The following DCTN4 variants were observed in gnomAD, a reference collection of about 807,000 sequenced individuals.
The protein encoded by DCTN4 is dynactin subunit 4.
Under a neutral mutation model 62.7 loss-of-function variants are expected in DCTN4, and 23 were observed. That is an observed-to-expected ratio of 0.37 (90% CI 0.26 to 0.52). DCTN4 has a LOEUF of 0.52. Ranked by LOEUF, DCTN4 falls within the 20% of genes least tolerant of loss-of-function variation. DCTN4 has a pLI of 0.92. For missense variants in DCTN4, 514 were observed against 580.4 expected, an observed-to-expected ratio of 0.89 and a Z score of 1.18; for synonymous variants, 199 against 202.1, an observed-to-expected ratio of 0.98 and a Z score of 0.13.
At chr5:150,748,500 C>T (rs1216899444) in intron 3 of DCTN4, among the ~76,000 whole-genome samples, 130 of 150,800 alleles carry the variant, frequency 8.6e-4, no homozygotes, top group African/African-American at 3.0e-3. Context: ...ATGTTTATTG[C>T]GGCACTATTC....
chr5:150,748,282 A>C (rs1363782960), intron 3 of DCTN4, among the ~76,000 whole-genome samples: 1 of 149,576 alleles, frequency 6.7e-6, no homozygotes, highest in Non-Finnish European at 1.5e-5. Context: ...AAAAGTCAGG[A>C]AACAACAGGT....
chr5:150,750,045 A>C (rs148641529), intron 3 of DCTN4, among the ~76,000 whole-genome samples: 754 of 152,292 alleles, frequency 5.0e-3, no homozygotes, highest in Middle Eastern at 0.034. Flanking sequence ...GATAGAAAGC[A>C]TATCAGTCTA....
chr5:150,757,559 T>A (rs748311954), intron 1 of DCTN4, among the ~76,000 whole-genome samples: 1 of 152,170 alleles, frequency 6.6e-6, no homozygotes, highest in Non-Finnish European at 1.5e-5. Context: ...CTGAGCACTC[T>A]ATTCACCACA....
intron 2 of DCTN4, among the ~76,000 whole-genome samples, chr5:150,754,302 T>C (rs1411453211): frequency 6.6e-6 from 1 of 152,224 alleles, no homozygotes; most frequent in Admixed American, 6.5e-5. Context: ...AGTTCTGTTC[T>C]ATAATATAAC....
chr5:150,716,638 G>A (rs575595607), intron 11 of DCTN4, among the ~76,000 whole-genome samples: 8 of 152,164 alleles, frequency 5.3e-5, no homozygotes, highest in Non-Finnish European at 1.0e-4. Flanking sequence ...AAAAAGGAAC[G>A]TCAGGGCACA....
intron 3 of DCTN4, chr5:150,742,753 A>G (rs1372903833): frequency 6.6e-6 from 1 of 152,596 alleles, no homozygotes; most frequent in African/African-American, 2.4e-5. Context: ...ATCAAAAACA[A>G]AACAAAAACC....
chr5:150,742,069 A>G, intron 4 of DCTN4, 45 bp downstream of exon 4: 2 of 1,574,844 alleles, frequency 1.3e-6, no homozygotes, highest in Non-Finnish European at 1.7e-6. Flanking sequence ...CTTTTACTCA[A>G]TTTTTTCCGA....
chr5:150,711,406 C>G, intron 12 of DCTN4, 44 bp from the exon 13 acceptor site: 1 of 1,492,646 alleles, frequency 6.7e-7, no homozygotes, highest in South Asian at 1.1e-5. Flanking sequence ...ATAAAAAAAT[C>G]AGCCAAACCA....
intron 8 of DCTN4, among the ~76,000 whole-genome samples, chr5:150,727,266 T>C (rs1269364417): frequency 2.6e-5 from 4 of 152,224 alleles, no homozygotes; most frequent in African/African-American, 4.8e-5. Flanking sequence ...TTTGCAACTG[T>C]TGCATACAGA....
intron 3 of DCTN4, among the ~76,000 whole-genome samples, chr5:150,746,467 T>C (rs28768380): frequency 0.2 from 29,857 of 150,536 alleles, 6,154 homozygotes; most frequent in African/African-American, 0.53. Flanking sequence ...ATACCAAAGC[T>C]GGGCAGAGAC....
Position 150,737,431 on chromosome 5 carries a change from T to C in DCTN4, c.430-3956A>G, listed in dbSNP as rs372401919. Reference sequence around the variant, plus strand: ...TATGAAGTACTCGCTCAGACAGCAGTGGAATAAAATGGAAAATCACCTCCA... The same window carrying C: ...TATGAAGTACTCGCTCAGACAGCAGCGGAATAAAATGGAAAATCACCTCCA... On this transcript the variant is annotated intron_variant, in intron 4 of 12. Transcript: ENST00000447998. Among the ~76,000 whole-genome samples the C allele has an allele frequency of 9.9e-5, 15 of 152,250 alleles. No individual in the cohort carries two copies. In the East Asian group the frequency reaches 2.1e-3, roughly 22 times the overall value.
At chr5:150,718,802 T>A (rs1376656116) in intron 10 of DCTN4, among the ~76,000 whole-genome samples, 2 of 152,032 alleles carry the variant, frequency 1.3e-5, no homozygotes, top group Admixed American at 6.6e-5. Context: ...CTACAAAAAC[T>A]TTTTAAAATT....
rs374541268 is a variant in DCTN4 at position 150,759,016 on chromosome 5, A to G, written c.-23T>C. On this transcript the variant is annotated 5_prime_UTR_variant, in exon 1 of 13. Coordinates refer to ENST00000447998, the MANE Select transcript of DCTN4 (RefSeq NM_016221.4). The stretch of plus-strand genomic sequence containing the variant: ...CATCTTGGGGAGGGAGGAGGCGATG[A>G]CGCTCCCGGCGCATCACGTGACCCG... 36 of 1,611,348 alleles carry G rather than the reference A, an allele frequency of 2.2e-5. No individual in the cohort carries two copies. The highest frequency in any genetic ancestry group is 1.7e-4 in the Middle Eastern group (1 of 6,060).
At chr5:150,747,527 T>C (rs1428157915) in intron 3 of DCTN4, among the ~76,000 whole-genome samples, 1 of 152,220 alleles carries the variant, frequency 6.6e-6, no homozygotes, top group African/African-American at 2.4e-5. Flanking sequence ...TCACACTAAC[T>C]GACTTCAAAC....
At chr5:150,747,593 T>C (rs1432547482) in intron 3 of DCTN4, among the ~76,000 whole-genome samples, 1 of 152,112 alleles carries the variant, frequency 6.6e-6, no homozygotes, top group Non-Finnish European at 1.5e-5. Flanking sequence ...AAAACAGAGA[T>C]GTAGATCAAT....
chr5:150,753,114 C>A (rs1000861168), intron 3 of DCTN4, among the ~76,000 whole-genome samples: 13 of 152,138 alleles, frequency 8.5e-5, no homozygotes, highest in Non-Finnish European at 1.5e-4. Flanking sequence ...ATCTGCCCGC[C>A]TCAACCTCCC....
intron 1 of DCTN4, 63 bp downstream of exon 1, chr5:150,758,796 G>A (rs1752954720): frequency 2.0e-5 from 32 of 1,587,486 alleles, no homozygotes; most frequent in Admixed American, 1.0e-4. Context: ...TCCGGTGGCA[G>A]TGACTAGCAT....
chr5:150,750,082 A>C (rs1581601763), intron 3 of DCTN4, among the ~76,000 whole-genome samples: 2 of 152,288 alleles, frequency 1.3e-5, no homozygotes, highest in South Asian at 4.1e-4. Flanking sequence ...TTGGGGGAAG[A>C]AACTGACTGC....
chr5:150,731,004 A>C, intron 7 of DCTN4, 40 bp downstream of exon 7: 1 of 1,211,694 alleles, frequency 8.3e-7, no homozygotes, highest in Non-Finnish European at 1.2e-6. Context: ...ACAGAATTAG[A>C]TGTAGACTAG....
Sources: allele counts gnomAD v4.1 joint callset (sites outside exome capture counted in the v4.1 genomes callset), GRCh38; gene constraint gnomAD v4.1.1; transcripts MANE v1.5; gene names NCBI Gene and HGNC (gene_info 2026-07-23, HGNC 2026-07-21).